The following SCN9A variants were observed in gnomAD, a reference collection of about 807,000 sequenced individuals.
SCN9A encodes sodium channel protein type 9 subunit alpha.
A neutral mutation model predicts 187.0 loss-of-function variants in SCN9A; 131 were observed. The observed-to-expected ratio is 0.70, with a 90% confidence interval of 0.61 to 0.81. SCN9A has a LOEUF of 0.81. SCN9A is among the 30% of genes least tolerant of loss of function. The pLI, the probability that SCN9A is intolerant of heterozygous loss-of-function variation, is 0.00. For missense variants in SCN9A, 2,252 were observed against 2,396.6 expected, an observed-to-expected ratio of 0.94 and a Z score of 1.26; for synonymous variants, 809 against 808.6, an observed-to-expected ratio of 1.00 and a Z score of -0.01.
intron 1 of SCN9A, among the ~76,000 whole-genome samples, chr2:166,347,721 T>C (rs1463423755): frequency 6.6e-6 from 1 of 152,188 alleles, no homozygotes; most frequent in Admixed American, 6.5e-5. Context: ...CAATAAATGA[T>C]GACACGGAAA....
chr2:166,355,164 C>T (rs1038089179), intron 1 of SCN9A, among the ~76,000 whole-genome samples: 4 of 151,852 alleles, frequency 2.6e-5, no homozygotes, highest in Admixed American at 2.0e-4. Flanking sequence ...GATATGATCT[C>T]GGCTCACTCC....
chr2:166,288,350 G>T, intron 10 of SCN9A, 87 bp downstream of exon 10: 4 of 996,876 alleles, frequency 4.0e-6, no homozygotes, highest in Non-Finnish European at 4.3e-6. Context: ...AATCTAGCTG[G>T]AGAAGGCCAA....
chr2:166,338,514 T>C (rs753158893), intron 1 of SCN9A, among the ~76,000 whole-genome samples: 18 of 152,086 alleles, frequency 1.2e-4, no homozygotes, highest in Non-Finnish European at 1.8e-4. Context: ...GAGCTAATTA[T>C]AGGAAAGGAG....
chr2:166,301,367 C>G (rs113701021), intron 7 of SCN9A: 5 of 150,770 alleles, frequency 3.3e-5, no homozygotes, highest in African/African-American at 1.2e-4. Flanking sequence ...CCACATAAGG[C>G]AAATGTCAAG....
Position 166,199,581 on chromosome 2 carries a change from G to A in SCN9A, c.5058C>T (p.Asn1686=). ...NDMFNFETFG[N]SMICLFQITT... Reference sequence around the variant, plus strand: ...TAATTTGGAACAGGCAAATCATACTGTTGCCAAAGGTCTCAAAATTGAACA... The same window carrying A: ...TAATTTGGAACAGGCAAATCATACTATTGCCAAAGGTCTCAAAATTGAACA... The change falls in exon 27 of 27, where the codon AAC becomes AAT. Residue 1686 remains asparagine (N), a synonymous_variant. Coordinates refer to ENST00000642356, the MANE Select transcript of SCN9A (RefSeq NM_001365536.1). 1 of 1,614,154 alleles carries A rather than the reference G, an allele frequency of 6.2e-7. No homozygotes were observed. Among genetic ancestry groups the A allele is most frequent in the South Asian group, 1.1e-5 (1 of 91,082 alleles).
chr2:166,222,073 C>A (rs74843660), intron 24 of SCN9A, among the ~76,000 whole-genome samples: 3,148 of 152,104 alleles, frequency 0.021, 120 homozygotes, highest in African/African-American at 0.073. Flanking sequence ...GATTTCTTGG[C>A]AATGACTCCA....
intron 1 of SCN9A, among the ~76,000 whole-genome samples, chr2:166,354,091 C>G (rs182251259): frequency 2.6e-5 from 4 of 151,682 alleles, no homozygotes; most frequent in South Asian, 2.1e-4. Context: ...CCAAGAGCAT[C>G]TTCAAACATT....
Position 166,199,310 on chromosome 2 carries a change from C to T in SCN9A, c.5329G>A (p.Asp1777Asn), listed in dbSNP as rs1398450641. Residue 1777 changes from aspartate (D) to asparagine (N), a missense_variant, in exon 27 of 27, where the codon GAT (aspartate) becomes AAT (asparagine). By Grantham distance (23) the Asp-to-Asn change is conservative (BLOSUM62 1). Around this residue, in one of 7 missense-constraint regions of SCN9A, gnomAD observed 345 missense variants for 344.6 expected, o/e 1.00. Coordinates refer to ENST00000642356, the MANE Select transcript of SCN9A (RefSeq NM_001365536.1). ...TEESTEPLSE[D>N]DFEMFYEVWE... Reference sequence around the variant, plus strand: ...ACCTCATAGAACATCTCAAAGTCATCCTCACTCAGAGGTTCAGTACTTTCT... The same window carrying T: ...ACCTCATAGAACATCTCAAAGTCATTCTCACTCAGAGGTTCAGTACTTTCT... 1.9e-6 allele frequency: 3 copies of T among 1,614,150 alleles called. No homozygotes were observed. The highest frequency in any genetic ancestry group is 2.5e-6 in the Non-Finnish European group (3 of 1,180,028).
intron 24 of SCN9A, among the ~76,000 whole-genome samples, chr2:166,218,201 A>C (rs1313616146): frequency 6.8e-6 from 1 of 146,404 alleles, no homozygotes; most frequent in African/African-American, 2.5e-5. Flanking sequence ...ACGTTATGCT[A>C]AGCAAAATTA....
In SCN9A at chr2:166,318,042, A is replaced by G. The variant is rs534999520; in HGVS notation, c.-50-6236T>C. 1.3e-4 allele frequency among the ~76,000 whole-genome samples: 20 copies of G among 152,302 alleles called. No homozygotes were observed. The South Asian group carries it at 3.1e-3, about 24-fold the overall frequency. On this transcript the variant is annotated intron_variant, in intron 1 of 26. Transcript: ENST00000642356. Reference sequence around the variant, plus strand: ...GATTAATCCATGGATTATTTATTCAATAATGTTGCAGAAAACATTGTCCCA... The same window carrying G: ...GATTAATCCATGGATTATTTATTCAGTAATGTTGCAGAAAACATTGTCCCA...
chr2:166,228,329 C>T (rs1164460997), intron 22 of SCN9A, among the ~76,000 whole-genome samples: 1 of 146,316 alleles, frequency 6.8e-6, no homozygotes, highest in Non-Finnish European at 1.5e-5. Context: ...CGATCTTGGC[C>T]CACTGCAACC....
intron 17 of SCN9A, among the ~76,000 whole-genome samples, chr2:166,256,585 C>A (rs554233206): frequency 6.6e-6 from 1 of 151,478 alleles, no homozygotes; most frequent in South Asian, 2.1e-4. Flanking sequence ...GGCTCACATT[C>A]TAATTATGGG....
chr2:166,342,005 A>T (rs902606384), intron 1 of SCN9A, among the ~76,000 whole-genome samples: 2 of 152,170 alleles, frequency 1.3e-5, no homozygotes, highest in Admixed American at 1.3e-4. Flanking sequence ...AGGGTTGCAG[A>T]CTTGTGTTTC....
upstream of SCN9A, chr2:166,375,960 G>C (rs1368056254): frequency 6.6e-6 from 1 of 152,208 alleles, no homozygotes; most frequent in African/African-American, 2.4e-5. Context: ...CCTCCTGCCA[G>C]GGCGCGCCCG....
At chr2:166,316,918 A>G (rs1699123633) in intron 1 of SCN9A, among the ~76,000 whole-genome samples, 1 of 152,154 alleles carries the variant, frequency 6.6e-6, no homozygotes, top group Non-Finnish European at 1.5e-5. Context: ...AGTAAGGGTT[A>G]CACTAAATGA....
In SCN9A at chr2:166,238,158, A is replaced by G; in HGVS notation, c.3737T>C (p.Ile1246Thr). 1 of 1,610,652 alleles carries G rather than the reference A, an allele frequency of 6.2e-7. No homozygotes were observed. Reference protein sequence around the residue: ...IFILEMLLKWIAYGYKTYFTN... With the variant: ...IFILEMLLKWTAYGYKTYFTN... ...GAAATATGTTTTATAACCATATGCTATCCATTTTAGAAGCATTTCCAGAAT... is the reference window on the plus strand; with the variant it reads ...GAAATATGTTTTATAACCATATGCTGTCCATTTTAGAAGCATTTCCAGAAT... Residue 1246 changes from isoleucine (I) to threonine (T), a missense_variant, in exon 20 of 27, where the codon ATA (isoleucine) becomes ACA (threonine). This residue lies in a region of SCN9A where 10 missense variants were observed against 27.8 expected (regional missense o/e 0.36). Coordinates refer to ENST00000642356, the MANE Select transcript of SCN9A (RefSeq NM_001365536.1).
chr2:166,362,684 A>T (rs1700314155), intron 1 of SCN9A, among the ~76,000 whole-genome samples: 1 of 151,808 alleles, frequency 6.6e-6, no homozygotes, highest in African/African-American at 2.4e-5. Context: ...AGAATCCAAG[A>T]CTCCTGATCA....
chr2:166,324,416 T>C (rs1236341995), intron 1 of SCN9A, among the ~76,000 whole-genome samples: 2 of 152,024 alleles, frequency 1.3e-5, no homozygotes, highest in Non-Finnish European at 2.9e-5. Flanking sequence ...TAAAGATAAA[T>C]AAAAAATACA....
At chr2:166,220,547 A>G (rs1316849281) in intron 24 of SCN9A, among the ~76,000 whole-genome samples, 1 of 152,124 alleles carries the variant, frequency 6.6e-6, no homozygotes, top group Non-Finnish European at 1.5e-5. Flanking sequence ...ACAGCCCCTC[A>G]GTCATGAACT....
Sources: allele counts gnomAD v4.1 joint callset (sites outside exome capture counted in the v4.1 genomes callset), GRCh38; gene constraint gnomAD v4.1.1; regional missense constraint gnomAD v4.1.1; transcripts MANE v1.5; gene names NCBI Gene and HGNC (gene_info 2026-07-23, HGNC 2026-07-21).